Variants in DOCK10 observed in about 807,000 individuals in gnomAD.
DOCK10 encodes dedicator of cytokinesis protein 10.
A neutral mutation model predicts 280.1 loss-of-function variants in DOCK10; 145 were observed. The observed-to-expected ratio is 0.52, with a 90% CI of 0.45 to 0.59. The LOEUF (loss-of-function observed/expected upper bound fraction) is 0.59, where lower values mean the gene tolerates loss of function less well. DOCK10 is among the 20% of genes least tolerant of loss of function. The pLI is 0.00. For missense variants in DOCK10, 2,368 were observed against 2,651.7 expected (o/e 0.89, Z 2.35); for synonymous variants, 915 against 942.2 (o/e 0.97, Z 0.53).
At chr2:225,004,455 GT>G (rs1706518369) in intron 1 of DOCK10, among the ~76,000 whole-genome samples, 1 of 152,212 alleles carries the variant, frequency 6.6e-6, no homozygotes, top group Non-Finnish European at 1.5e-5. Context: ...CTTCTGGCCT[GT>G]AAGAATAAAT....
At chr2:224,854,596 T>C (rs1424595698) in intron 16 of DOCK10, among the ~76,000 whole-genome samples, 1 of 152,176 alleles carries the variant, frequency 6.6e-6, no homozygotes, top group Non-Finnish European at 1.5e-5. Context: ...TTTGTTAATC[T>C]ATCCAAATCT....
intron 1 of DOCK10, among the ~76,000 whole-genome samples, chr2:225,010,940 T>G (rs1689416961): frequency 6.6e-6 from 1 of 152,174 alleles, no homozygotes. Flanking sequence ...GTAAAAGGCC[T>G]GATATCTTCT....
intron 22 of DOCK10, among the ~76,000 whole-genome samples, chr2:224,842,647 A>T (rs1019115844): frequency 6.6e-6 from 1 of 152,006 alleles, no homozygotes; most frequent in African/African-American, 2.4e-5. Flanking sequence ...TTTTGACTAG[A>T]GACAACTGTT....
intron 32 of DOCK10, 31 bp from the exon 33 acceptor site, chr2:224,807,815 TCATG>T: frequency 6.4e-7 from 1 of 1,566,144 alleles, no homozygotes; most frequent in Non-Finnish European, 8.7e-7. Flanking sequence ...AAGAAATGAT[TCATG>T]TAAAAATCAA....
intron 17 of DOCK10, 142 bp downstream of exon 17, chr2:224,852,791 CCT>C (rs1559563207): frequency 8.1e-6 from 5 of 619,144 alleles, no homozygotes; most frequent in Non-Finnish European, 5.2e-6. Flanking sequence ...CTCATCAGTG[CCT>C]CTTACTAAAC....
At chr2:224,769,016 A>T in intron 55 of DOCK10, 1 of 437,354 alleles carries the variant, frequency 2.3e-6, no homozygotes, top group South Asian at 1.6e-5. Flanking sequence ...ACAGTTGGAG[A>T]CAAGCATTCC....
intron 1 of DOCK10, among the ~76,000 whole-genome samples, chr2:225,009,793 G>A (rs1047969915): frequency 1.3e-5 from 2 of 152,178 alleles, no homozygotes; most frequent in African/African-American, 2.4e-5. Context: ...TCAATAGTAC[G>A]CTGGAGTCCT....
intron 1 of DOCK10, among the ~76,000 whole-genome samples, chr2:225,008,518 T>C (rs1689342298): frequency 6.6e-6 from 1 of 152,216 alleles, no homozygotes; most frequent in South Asian, 2.1e-4. Flanking sequence ...ATTTAAAATA[T>C]CTTCTGTAGG....
chr2:224,862,741 T>G lies in DOCK10; in HGVS notation c.1608A>C (p.Ala536=). Residue 536 remains alanine (A), a synonymous_variant, in exon 14 of 56, where the codon GCA becomes GCC. Coordinates refer to ENST00000258390, the MANE Select transcript of DOCK10 (RefSeq NM_014689.3). ...GTCTGTTGGATTTTAGTATCTTTTG[T>G]GCATACTAAAGAAAAAATAAATACA... ...YIKNPDSNKY[A]QKILKSNRQF... is the part of the protein sequence containing the mutation. The G allele has an allele frequency of 1.3e-6, 2 of 1,593,798 alleles. No individual in the cohort carries two copies. The highest frequency in any genetic ancestry group is 1.7e-6 in the Non-Finnish European group (2 of 1,167,052).
chr2:224,848,551 T>G (rs1385826309), intron 19 of DOCK10, among the ~76,000 whole-genome samples: 1 of 152,162 alleles, frequency 6.6e-6, no homozygotes, highest in Non-Finnish European at 1.5e-5. Context: ...CTTGGTAAAG[T>G]TACTTGACTT....
chr2:224,921,258 T>G (rs1180467793), intron 2 of DOCK10, among the ~76,000 whole-genome samples: 2 of 149,860 alleles, frequency 1.3e-5, no homozygotes, highest in Non-Finnish European at 3.0e-5. Flanking sequence ...ACCAAGATCA[T>G]GCCATTGCAC....
intron 25 of DOCK10, among the ~76,000 whole-genome samples, chr2:224,837,211 C>T (rs534061779): frequency 2.0e-5 from 3 of 152,246 alleles, no homozygotes; most frequent in East Asian, 1.9e-4. Flanking sequence ...AGAATAGAAG[C>T]GTCTCTGAGT....
intron 44 of DOCK10, among the ~76,000 whole-genome samples, chr2:224,795,696 G>A (rs1009381019): frequency 6.6e-6 from 1 of 152,218 alleles, no homozygotes; most frequent in Non-Finnish European, 1.5e-5. Context: ...CAAGATCGAG[G>A]CAGTAGAGGG....
chr2:224,814,333 C>A lies in DOCK10; in HGVS notation c.3396G>T (p.Glu1132Asp). ...AATATCACTTACCTGATGCATGTAA[C>A]TCTTGAGTCGATTCTGAAGGTGTCA... ...DPLTPSESTQ[E>D]LHASDMPEYS... Residue 1132 changes from glutamate (E) to aspartate (D), a missense_variant, in exon 31 of 56, where the codon GAG (glutamate) becomes GAT (aspartate). By Grantham distance (45) the Glu-to-Asp change is conservative. Transcript: ENST00000258390. 6.5e-7 allele frequency: 1 copy of A among 1,534,412 alleles called. No homozygotes were observed.
chr2:225,000,270 G>C (rs904007819), intron 1 of DOCK10, among the ~76,000 whole-genome samples: 2 of 151,752 alleles, frequency 1.3e-5, no homozygotes, highest in African/African-American at 4.8e-5. Context: ...TACACATGAT[G>C]GAAAACTGAC....
chr2:224,995,430 T>G (rs1340243360), intron 1 of DOCK10, among the ~76,000 whole-genome samples: 2 of 152,208 alleles, frequency 1.3e-5, no homozygotes, highest in Non-Finnish European at 2.9e-5. Flanking sequence ...CACATATAAT[T>G]CAACAAGCAC....
chr2:224,934,849 C>T (rs1282030154), intron 1 of DOCK10, among the ~76,000 whole-genome samples: 3 of 152,128 alleles, frequency 2.0e-5, no homozygotes, highest in Admixed American at 6.6e-5. Flanking sequence ...GCTTTTTATT[C>T]TTTCTCTCTT....
At chr2:224,875,946 C>G in intron 8 of DOCK10, 92 bp downstream of exon 8, 1 of 1,308,248 alleles carries the variant, frequency 7.6e-7, no homozygotes, top group Non-Finnish European at 1.1e-6. Context: ...TGAGCTAGAC[C>G]AGACAGCAAC....
intron 15 of DOCK10, 22 bp from the exon 16 acceptor site, chr2:224,855,064 G>GACACGC (rs1697020888): frequency 3.5e-6 from 2 of 575,472 alleles, no homozygotes; most frequent in Non-Finnish European, 5.9e-6. Context: ...CATGAGCAAG[G>GACACGC]ACACACACAC....
Sources: gnomAD v4.1 joint callset for allele counts (sites outside exome capture counted in the v4.1 genomes callset) on GRCh38, gnomAD v4.1.1 for gene constraint, MANE v1.5 for transcripts, NCBI Gene and HGNC (gene_info 2026-07-23, HGNC 2026-07-21) for gene names.